Variants in MTERF4 observed in about 807,000 individuals in gnomAD.
MTERF4 encodes mitochondrial transcription termination factor 4, also known as transcription termination factor 4, mitochondrial.
MTERF4 carries 17 observed loss-of-function variants against 22.5 expected under a neutral mutation model. The observed-to-expected ratio is 0.75, with a 90% confidence interval of 0.52 to 1.13. The LOEUF (loss-of-function observed/expected upper bound fraction) is 1.13. Ranked by LOEUF, MTERF4 falls within the 50% of genes most tolerant of loss-of-function variation. MTERF4 has a pLI of 0.00. For missense variants in MTERF4, 420 were observed against 466.8 expected, an observed-to-expected ratio of 0.90 and a Z score of 0.92; for synonymous variants, 165 against 175.3, an observed-to-expected ratio of 0.94 and a Z score of 0.47.
intron 2 of MTERF4, among the ~76,000 whole-genome samples, chr2:241,098,185 A>C (rs1336918859): frequency 6.6e-6 from 1 of 152,222 alleles, no homozygotes; most frequent in East Asian, 1.9e-4. Context: ...ATATGTGAGG[A>C]ATTTCAGTTT....
downstream of MTERF4, among the ~76,000 whole-genome samples, chr2:241,083,107 G>A (rs1247952180): frequency 1.3e-5 from 2 of 152,210 alleles, no homozygotes; most frequent in African/African-American, 2.4e-5. Context: ...CAGGTGGTGA[G>A]TGCAAAGGGA....
chr2:241,082,264 T>TTC (rs869230232), downstream of MTERF4: 2 of 1,595,276 alleles, frequency 1.3e-6, no homozygotes, highest in Non-Finnish European at 1.7e-6. Flanking sequence ...GCCACTGCCC[T>TTC]TCTTTGTCGC....
At chr2:241,042,593 A>T in the MTERF4 span, among the ~76,000 whole-genome samples, 4 of 152,374 alleles carry the variant, frequency 2.6e-5, no homozygotes, top group East Asian at 7.7e-4. Flanking sequence ...GAATTAGCAG[A>T]TACAAATGTT....
chr2:241,053,136 G>C, the MTERF4 span: 2 of 1,603,490 alleles, frequency 1.2e-6, no homozygotes, highest in Non-Finnish European at 1.7e-6. Flanking sequence ...TGCGAGACAG[G>C]CTGCCGTGCC....
At position 241,096,449 on chromosome 2, in the gene MTERF4, C is replaced by CAGAGTATTG; in HGVS notation, c.706-12_706-11insCAATACTCT. On this transcript the variant is annotated splice_polypyrimidine_tract_variant and intron_variant, in intron 3 of 3. Coordinates refer to ENST00000391980, the MANE Select transcript of MTERF4 (RefSeq NM_182501.4). The surrounding 1 kb of genome is among the most constrained non-coding windows in gnomAD (Gnocchi z 5.1). ...CCTGAAGTATGCATACTGGAAGACA[C>CAGAGTATTG]AAACACACTTAGGAGTCCCAGATAC... 6.2e-7 allele frequency: 1 copy of CAGAGTATTG among 1,613,278 alleles called. No individual in the cohort carries two copies. Among genetic ancestry groups the CAGAGTATTG allele is most frequent in the Non-Finnish European group, 8.5e-7 (1 of 1,179,548 alleles).
At chr2:241,069,412 T>A (rs564838286), downstream of MTERF4, among the ~76,000 whole-genome samples, 1 of 151,596 alleles carries the variant, frequency 6.6e-6, no homozygotes, top group African/African-American at 2.4e-5. This position sits in a 1 kb window ranked among gnomAD's most constrained non-coding sequence, Gnocchi z 4.9. Flanking sequence ...CCACACCCCC[T>A]CCCCAGTGCA....
the MTERF4 span, chr2:241,049,901 C>T: frequency 3.7e-6 from 6 of 1,613,644 alleles, no homozygotes; most frequent in Non-Finnish European, 5.1e-6. Flanking sequence ...TGCGAGTGCC[C>T]GCGCGGGTTC....
At position 241,073,099 on chromosome 2, in the gene MTERF4, G is replaced by A; in HGVS notation, n.3063C>T. The A allele has an allele frequency of 1.7e-6, 1 of 593,844 alleles. No individual in the cohort carries two copies. 36.8% of individuals were successfully genotyped at this position (593,844 alleles called of 1,614,324 possible). A position where few individuals can be genotyped will look rare whatever the true frequency, so the allele number is the denominator to read the frequency against. On this transcript the variant is annotated non_coding_transcript_exon_variant, in exon 5 of 5. Transcript: ENST00000464344. The surrounding 1 kb of genome is among the most constrained non-coding windows in gnomAD (Gnocchi z 6.6). Reference sequence around the variant, plus strand: ...GCAGGAGGGTGAGGCCAGCCCTTCAGGGGAGGCAGCTCTGGGGCCGACAGG... The same window carrying A: ...GCAGGAGGGTGAGGCCAGCCCTTCAAGGGAGGCAGCTCTGGGGCCGACAGG...
the MTERF4 span, among the ~76,000 whole-genome samples, chr2:241,058,712 A>T: frequency 6.6e-6 from 1 of 152,216 alleles, no homozygotes; most frequent in Non-Finnish European, 1.5e-5. Flanking sequence ...GCACTTTAGG[A>T]GGCCGAGGCA....
the MTERF4 span, among the ~76,000 whole-genome samples, chr2:241,061,202 G>GA: frequency 2.7e-4 from 40 of 148,672 alleles, no homozygotes; most frequent in Non-Finnish European, 3.3e-4. Context: ...TAGGAAAATA[G>GA]AAAAAAAAAC....
chr2:241,069,120 A>G, downstream of MTERF4: 1 of 778,930 alleles, frequency 1.3e-6, no homozygotes, highest in Non-Finnish European at 2.0e-6. The surrounding 1 kb of genome is among the most constrained non-coding windows in gnomAD (Gnocchi z 4.9). Flanking sequence ...AAGCGTCCAC[A>G]ACACCAGAAA....
At chr2:241,070,053 G>C (rs907035027), downstream of MTERF4, 34 of 1,613,082 alleles carry the variant, frequency 2.1e-5, no homozygotes, top group Non-Finnish European at 2.8e-5. Flanking sequence ...AGAGCACCAA[G>C]AGCCGCTATG....
chr2:241,069,138 C>T, downstream of MTERF4: 1 of 680,236 alleles, frequency 1.5e-6, no homozygotes, highest in African/African-American at 1.8e-5. The surrounding 1 kb of genome is among the most constrained non-coding windows in gnomAD (Gnocchi z 4.9). Flanking sequence ...AAACCCAGCC[C>T]CTGGCCTCCC....
At chr2:241,071,384 C>T (rs1000492617), downstream of MTERF4, 32 of 632,466 alleles carry the variant, frequency 5.1e-5, no homozygotes, top group Middle Eastern at 4.2e-4. Context: ...AGGGATGCGG[C>T]GGGTGGGCTG....
At chr2:241,084,487 A>G (rs569518727), downstream of MTERF4, among the ~76,000 whole-genome samples, 10 of 152,134 alleles carry the variant, frequency 6.6e-5, no homozygotes, top group Admixed American at 3.9e-4. Context: ...CACATCTTCA[A>G]CTTCACGCCG....
chr2:241,062,989 C>CT, the MTERF4 span: 3 of 857,874 alleles, frequency 3.5e-6, no homozygotes, highest in African/African-American at 5.1e-5. Context: ...GGACAGGTCT[C>CT]TGTCTGGATG....
At chr2:241,072,050 A>G (rs780444899), downstream of MTERF4, 12 of 713,642 alleles carry the variant, frequency 1.7e-5, no homozygotes, top group East Asian at 2.4e-4. Flanking sequence ...GGCCGCCGGC[A>G]GCATGCACCT....
At chr2:241,093,602 C>T (rs956572394), downstream of MTERF4, 4 of 150,620 alleles carry the variant, frequency 2.7e-5, no homozygotes, top group African/African-American at 9.9e-5. Flanking sequence ...ACAGCAAATG[C>T]TAATATGCTC....
rs535723253 is a variant in MTERF4 at position 241,101,620 on chromosome 2, AG to A, written c.21+632del. Among the ~76,000 whole-genome samples, 8 of 152,388 alleles carry A rather than the reference AG, an allele frequency of 5.2e-5. No individual in the cohort carries two copies. In the South Asian group the frequency reaches 1.7e-3, roughly 32 times the overall value. ...CCCCTGTCCAGATGCTCCCTCCGCC[AG>A]GAACACCTGGCAGTCGCTGGGGTCA... On this transcript the variant is annotated intron_variant, in intron 1 of 3. Transcript: ENST00000391980.
Sources: gnomAD v4.1 joint callset for allele counts (sites outside exome capture counted in the v4.1 genomes callset) on GRCh38, gnomAD v4.1.1 for gene constraint, Gnocchi (gnomAD v3.1) non-coding constraint, MANE v1.5 for transcripts, NCBI Gene and HGNC (gene_info 2026-07-23, HGNC 2026-07-21) for gene names.